RAB3IP: variants seen among roughly 807,000 people sequenced by gnomAD.
The protein encoded by RAB3IP is RAB3A interacting protein.
RAB3IP carries 36 observed loss-of-function variants against 59.1 expected under a neutral mutation model. That is an observed-to-expected ratio of 0.61 (90% CI 0.47 to 0.80). The LOEUF (loss-of-function observed/expected upper bound fraction) is 0.80. RAB3IP is among the 30% of genes least tolerant of loss of function. The probability of loss-of-function intolerance (pLI) is 0.00; values close to 1 mark genes in which losing one functional copy is unlikely to be tolerated. For missense variants in RAB3IP, 511 were observed against 536.0 expected, an observed-to-expected ratio of 0.95 and a Z score of 0.46; for synonymous variants, 207 against 191.2, an observed-to-expected ratio of 1.08 and a Z score of -0.68.
intron 10 of RAB3IP, 133 bp downstream of exon 10, chr12:69,813,166 C>A: frequency 1.7e-6 from 1 of 603,694 alleles, no homozygotes; most frequent in Non-Finnish European, 2.9e-6. Flanking sequence ...TATTGAATCC[C>A]TTCTATAGTT....
chr12:69,801,039 T>G (rs1435586208), intron 7 of RAB3IP, among the ~76,000 whole-genome samples: 5 of 152,204 alleles, frequency 3.3e-5, no homozygotes, highest in African/African-American at 4.8e-5. Flanking sequence ...GCTCTGTATC[T>G]GGTTTCAGGT....
intron 3 of RAB3IP, among the ~76,000 whole-genome samples, chr12:69,763,815 A>G (rs905718633): frequency 3.9e-5 from 6 of 152,226 alleles, no homozygotes; most frequent in African/African-American, 4.8e-5. Flanking sequence ...TAGGTCCATG[A>G]GTACAATGTT....
rs1463998353 is a variant in RAB3IP at position 69,819,041 on chromosome 12, T to TA, written c.*3596dup. ...TGCTATGATTTCACCTGTGAATAGC[T>TA]ACTATATTCCAACCTGGGCAACGTA... is the stretch of plus-strand genomic sequence containing the variant. On this transcript the variant is annotated 3_prime_UTR_variant, in exon 11 of 11. Coordinates refer to ENST00000247833, the MANE Select transcript of RAB3IP (RefSeq NM_022456.5). The TA allele has an allele frequency of 1.3e-5, 2 of 152,208 alleles. No homozygotes were observed. The highest frequency in any genetic ancestry group is 4.8e-5 in the African/African-American group (2 of 41,438). 9.4% of individuals were successfully genotyped at this position (152,208 alleles called of 1,614,324 possible). A position where few individuals can be genotyped will look rare whatever the true frequency, so the allele number is the denominator to read the frequency against.
At chr12:69,740,388 C>G (rs1226412453) in intron 1 of RAB3IP, among the ~76,000 whole-genome samples, 1 of 152,166 alleles carries the variant, frequency 6.6e-6, no homozygotes, top group African/African-American at 2.4e-5. Context: ...GTGATCTAAT[C>G]CTAAAGCCCT....
At chr12:69,810,879 G>GATATAC (rs1489689847) in intron 8 of RAB3IP, among the ~76,000 whole-genome samples, 6 of 152,184 alleles carry the variant, frequency 3.9e-5, no homozygotes, top group African/African-American at 1.2e-4. Context: ...GAGTTATAGA[G>GATATAC]ATTTATTAAT....
intron 3 of RAB3IP, among the ~76,000 whole-genome samples, chr12:69,775,461 C>T (rs1403445089): frequency 2.0e-4 from 17 of 83,678 alleles, no homozygotes; most frequent in South Asian, 5.7e-4. Flanking sequence ...TGAATAGGAG[C>T]GGTGAGAGAG....
chr12:69,812,408 A>G, intron 8 of RAB3IP: 1 of 185,650 alleles, frequency 5.4e-6, no homozygotes, highest in Non-Finnish European at 1.1e-5. Flanking sequence ...TTGAGACTTG[A>G]ACAGTCATCA....
In RAB3IP at chr12:69,794,528, G is replaced by T. The variant is rs1358433587; in HGVS notation, c.684+14G>T. The stretch of plus-strand genomic sequence containing the variant: ...GCACAAGGAAAAGTGAGTTTTTGCA[G>T]CTCTTAATAGTATAAAATAAATTTG... On this transcript the variant is annotated intron_variant, in intron 5 of 10. Transcript: ENST00000247833. The T allele has an allele frequency of 6.9e-6, 11 of 1,588,758 alleles. No individual in the cohort carries two copies. The highest frequency in any genetic ancestry group is 1.3e-5 in the African/African-American group (1 of 74,128).
intron 6 of RAB3IP, among the ~76,000 whole-genome samples, chr12:69,798,625 A>G (rs956887596): frequency 8.5e-5 from 13 of 152,126 alleles, no homozygotes; most frequent in African/African-American, 1.7e-4. Flanking sequence ...ATGGTATTGC[A>G]TAGGTTTTCT....
chr12:69,810,681 T>A (rs1049700106), intron 8 of RAB3IP, among the ~76,000 whole-genome samples: 2 of 148,422 alleles, frequency 1.3e-5, no homozygotes, highest in African/African-American at 5.0e-5. Flanking sequence ...AAAGAAAAGT[T>A]AGATTGGGGT....
At chr12:69,780,809 T>C (rs1874568687) in intron 3 of RAB3IP, among the ~76,000 whole-genome samples, 1 of 142,432 alleles carries the variant, frequency 7.0e-6, no homozygotes, top group South Asian at 2.2e-4. Context: ...CTCCTAAATC[T>C]TTTTTTTTTT....
At chr12:69,780,977 G>A (rs1874601990) in intron 3 of RAB3IP, among the ~76,000 whole-genome samples, 1 of 152,090 alleles carries the variant, frequency 6.6e-6, no homozygotes, top group Non-Finnish European at 1.5e-5. Context: ...TTAGTTACAA[G>A]TATTATCTTA....
intron 6 of RAB3IP, 120 bp downstream of exon 6, chr12:69,795,464 T>C: frequency 1.3e-6 from 1 of 755,852 alleles, no homozygotes; most frequent in South Asian, 1.6e-5. Flanking sequence ...AGTATTAAGA[T>C]GGGGGAGGCT....
At chr12:69,812,243 A>ACCC (rs1880565925) in intron 8 of RAB3IP, 2 of 152,482 alleles carry the variant, frequency 1.3e-5, no homozygotes, top group African/African-American at 4.8e-5. Context: ...TGAACTTGTT[A>ACCC]CATGATTGTT....
chr12:69,739,189 G>C (rs1886999465), intron 1 of RAB3IP, 158 bp downstream of exon 1: 1 of 152,234 alleles, frequency 6.6e-6, no homozygotes, highest in African/African-American at 2.4e-5. Flanking sequence ...TCGGGGGGAT[G>C]CCCAGGCCCG....
chr12:69,738,569 G>C (rs1886890258), upstream of RAB3IP: 1 of 151,864 alleles, frequency 6.6e-6, no homozygotes, highest in Non-Finnish European at 1.5e-5. Context: ...GCCGCCTCTC[G>C]GGCCCGGCGA....
At chr12:69,754,267 G>A (rs1869809852) in intron 1 of RAB3IP, among the ~76,000 whole-genome samples, 1 of 151,866 alleles carries the variant, frequency 6.6e-6, no homozygotes, top group African/African-American at 2.4e-5. Context: ...TTAACTTCCA[G>A]ATTTTGATGA....
chr12:69,795,897 T>C (rs1346205634), intron 6 of RAB3IP: 1 of 153,654 alleles, frequency 6.5e-6, no homozygotes, highest in African/African-American at 2.4e-5. Flanking sequence ...ACAATTAGTG[T>C]CATTTTTGAT....
intron 8 of RAB3IP, among the ~76,000 whole-genome samples, chr12:69,807,032 C>A (rs1319518819): frequency 6.6e-6 from 1 of 152,154 alleles, no homozygotes; most frequent in Non-Finnish European, 1.5e-5. Flanking sequence ...CCACATTTCC[C>A]CCTTTTCTTT....
Sources: allele counts gnomAD v4.1 joint callset (sites outside exome capture counted in the v4.1 genomes callset), GRCh38; gene constraint gnomAD v4.1.1; transcripts MANE v1.5; gene names NCBI Gene and HGNC (gene_info 2026-07-23, HGNC 2026-07-21).